The following DACH2 variants were observed in gnomAD, a reference collection of about 807,000 sequenced individuals.
The protein encoded by DACH2 is dachshund homolog 2.
Under a neutral mutation model 35.8 loss-of-function variants are expected in DACH2, and 17 were observed. That is an observed-to-expected ratio of 0.48 (90% CI 0.33 to 0.71). The LOEUF (loss-of-function observed/expected upper bound fraction) is 0.71. Ranked by LOEUF, DACH2 falls within the 30% of genes least tolerant of loss-of-function variation. DACH2 has a pLI of 0.02. For missense variants in DACH2, 469 were observed against 472.7 expected (o/e 0.99, Z 0.07); for synonymous variants, 195 against 177.3 (o/e 1.10, Z -0.79).
intron 1 of DACH2, among the ~76,000 whole-genome samples, chrX:86,231,928 AC>A (rs1296371146): frequency 6.3e-5 from 7 of 110,438 alleles, no homozygotes; most frequent in African/African-American, 2.3e-4. Flanking sequence ...TGCCTTCTCC[AC>A]CCCTGTATTT....
intron 7 of DACH2, among the ~76,000 whole-genome samples, chrX:86,761,354 C>T (rs967445954): frequency 2.7e-5 from 3 of 111,612 alleles, no homozygotes; most frequent in Non-Finnish European, 5.6e-5. Flanking sequence ...TTCATCCATG[C>T]CCCTACAAAG....
At chrX:86,388,318 C>A (rs984131055) in intron 2 of DACH2, among the ~76,000 whole-genome samples, 2 of 111,894 alleles carry the variant, frequency 1.8e-5, no homozygotes, top group Non-Finnish European at 3.8e-5. Flanking sequence ...TGGAAAGGAT[C>A]TCTTTTATAA....
chrX:86,668,906 A>C lies in DACH2; in HGVS notation c.772+17739A>C, dbSNP rs1027191173. ...TTGCAAAGACTAGGTAGAGAAGTTTAATTAAGTGACAGATATCATATCATT... is the reference window on the plus strand; with the variant it reads ...TTGCAAAGACTAGGTAGAGAAGTTTCATTAAGTGACAGATATCATATCATT... On this transcript the variant is annotated intron_variant, in intron 4 of 11. Coordinates refer to ENST00000373125, the MANE Select transcript of DACH2 (RefSeq NM_053281.3). Among the ~76,000 whole-genome samples the C allele has an allele frequency of 2.7e-5, 3 of 111,860 alleles. No homozygotes were observed. In the Admixed American group the frequency reaches 2.9e-4, roughly 11 times the overall value.
rs187231891 is a variant in DACH2, at chrX:86,361,759, C to T, written c.489-15065C>T. 3.6e-5 allele frequency among the ~76,000 whole-genome samples: 4 copies of T among 111,311 alleles called. No individual in the cohort carries two copies. In the East Asian group the frequency reaches 1.1e-3, roughly 31 times the overall value. On this transcript the variant is annotated intron_variant, in intron 1 of 11. Transcript: ENST00000373125. Reference sequence around the variant, plus strand: ...TTTGTGTTAAACTTACATCATTTGACAGAATTACAAATATTTCGAAATGAA... The same window carrying T: ...TTTGTGTTAAACTTACATCATTTGATAGAATTACAAATATTTCGAAATGAA...
In DACH2 at chrX:86,411,020, TTATATA is replaced by T. The variant is rs36194671; in HGVS notation, c.527+34172_527+34177del. Among the ~76,000 whole-genome samples, 19 of 40,508 alleles carry T rather than the reference TTATATA, an allele frequency of 4.7e-4. 1 individual carries two copies. Among genetic ancestry groups the T allele is most frequent in the Admixed American group, 3.7e-3 (9 of 2,412 alleles). The allele number at this position is 40,508 out of a possible 115,157, so 35.2% of individuals were successfully genotyped here. On this transcript the variant is annotated intron_variant, in intron 2 of 11. Transcript: ENST00000373125. ...CTCTAGAGGGACAGAACTAATATGA[TTATATA>T]TATATATATATATGTATATATGTAA... is the stretch of plus-strand genomic sequence containing the variant.
intron 3 of DACH2, among the ~76,000 whole-genome samples, chrX:86,528,932 T>G (rs769687835): frequency 2.0e-4 from 22 of 112,534 alleles, no homozygotes; most frequent in Non-Finnish European, 3.9e-4. Flanking sequence ...CATTTCTATG[T>G]GTTGGGTACA....
intron 2 of DACH2, among the ~76,000 whole-genome samples, chrX:86,380,850 T>A (rs1309341751): frequency 9.0e-6 from 1 of 110,573 alleles, no homozygotes; most frequent in Non-Finnish European, 1.9e-5. Flanking sequence ...TGTATCAAAC[T>A]GTTGTGATAT....
At chrX:86,548,178 G>A (rs781649632) in intron 3 of DACH2, among the ~76,000 whole-genome samples, 3 of 110,707 alleles carry the variant, frequency 2.7e-5, no homozygotes, top group East Asian at 2.8e-4. Flanking sequence ...ATTAGCTCAC[G>A]TGCTTGGGCA....
intron 1 of DACH2, among the ~76,000 whole-genome samples, chrX:86,171,882 G>A (rs1429863386): frequency 9.0e-6 from 1 of 111,350 alleles, no homozygotes; most frequent in Non-Finnish European, 1.9e-5. Context: ...AACTTGCATA[G>A]CTTTCTATTC....
At chrX:86,746,996 C>T (rs141213363) in intron 7 of DACH2, among the ~76,000 whole-genome samples, 7,101 of 111,498 alleles carry the variant, frequency 0.064, 236 homozygotes, top group East Asian at 0.13. Context: ...TCAAAAATCA[C>T]TTCTCTGTAA....
intron 7 of DACH2, among the ~76,000 whole-genome samples, chrX:86,747,723 G>C (rs1338528359): frequency 8.9e-6 from 1 of 111,874 alleles, no homozygotes; most frequent in Non-Finnish European, 1.9e-5. Context: ...TGACAGATCA[G>C]GGTGGTGGTC....
chrX:86,434,851 C>G (rs1196442517), intron 2 of DACH2, among the ~76,000 whole-genome samples: 1 of 111,420 alleles, frequency 9.0e-6, no homozygotes, highest in African/African-American at 3.3e-5. Context: ...GGGAAGGCCT[C>G]AGGAAGCTTA....
At chrX:86,527,613 A>T (rs1274765450) in intron 3 of DACH2, among the ~76,000 whole-genome samples, 1 of 112,217 alleles carries the variant, frequency 8.9e-6, no homozygotes, top group East Asian at 2.8e-4. Flanking sequence ...CAGACATTGG[A>T]GTTCTTTTAC....
intron 3 of DACH2, among the ~76,000 whole-genome samples, chrX:86,549,327 C>A (rs936927421): frequency 1.8e-5 from 2 of 110,647 alleles, no homozygotes; most frequent in Non-Finnish European, 3.8e-5. Flanking sequence ...TAATATTTTC[C>A]CTTGAGACAG....
chrX:86,324,020 G>A (rs367942829), intron 1 of DACH2, among the ~76,000 whole-genome samples: 1 of 111,758 alleles, frequency 8.9e-6, no homozygotes, highest in South Asian at 3.7e-4. Flanking sequence ...AATCCTAGGC[G>A]AGCCCCCAAA....
intron 3 of DACH2, among the ~76,000 whole-genome samples, chrX:86,619,196 T>C (rs906321825): frequency 3.6e-5 from 4 of 111,804 alleles, no homozygotes; most frequent in African/African-American, 1.3e-4. Context: ...TTTGAGTAGG[T>C]CTTCCCACAA....
At chrX:86,779,974 GC>G (rs2042074082) in intron 7 of DACH2, among the ~76,000 whole-genome samples, 1 of 110,363 alleles carries the variant, frequency 9.1e-6, no homozygotes, top group Non-Finnish European at 1.9e-5. Flanking sequence ...CCTCCCAAGT[GC>G]AGCAGTTTTC....
intron 3 of DACH2, among the ~76,000 whole-genome samples, chrX:86,537,043 T>C (rs1049982887): frequency 2.7e-5 from 3 of 111,393 alleles, no homozygotes; most frequent in African/African-American, 9.8e-5. Context: ...TTTGCCTGAG[T>C]TCCCAAGATA....
At chrX:86,414,126 GT>G (rs1364866839) in intron 2 of DACH2, among the ~76,000 whole-genome samples, 11 of 111,593 alleles carry the variant, frequency 9.9e-5, no homozygotes, top group African/African-American at 3.6e-4. Flanking sequence ...CATTCAAGGG[GT>G]TTTGGGTCTG....
Sources: allele counts gnomAD v4.1 joint callset (sites outside exome capture counted in the v4.1 genomes callset), GRCh38; gene constraint gnomAD v4.1.1; transcripts MANE v1.5; gene names NCBI Gene and HGNC (gene_info 2026-07-23, HGNC 2026-07-21).